Variants in DCC observed in about 807,000 individuals in gnomAD.
DCC encodes DCC netrin 1 receptor.
A neutral mutation model predicts 172.5 loss-of-function variants in DCC; 58 were observed. The observed-to-expected ratio is 0.34, with a 90% CI of 0.27 to 0.42. The LOEUF (loss-of-function observed/expected upper bound fraction) is 0.42, where lower values mean the gene tolerates loss of function less well. Among genes scored for constraint, DCC ranks in the 10% least tolerant of loss-of-function variants. DCC has a pLI of 1.00. For missense variants in DCC, 1,740 were observed against 1,791.0 expected (o/e 0.97, Z 0.51); for synonymous variants, 709 against 644.5 (o/e 1.10, Z -1.52).
chr18:52,670,871 C>G (rs1247145780), intron 1 of DCC, among the ~76,000 whole-genome samples: 1 of 152,002 alleles, frequency 6.6e-6, no homozygotes, highest in African/African-American at 2.4e-5. Context: ...TAAAAGCTAA[C>G]AGGCTGTAGA....
At chr18:53,341,034 C>A (rs1384917746) in intron 15 of DCC, among the ~76,000 whole-genome samples, 1 of 152,168 alleles carries the variant, frequency 6.6e-6, no homozygotes, top group Non-Finnish European at 1.5e-5. Context: ...TGGAAATCTC[C>A]ACAATTTATT....
At chr18:52,964,045 A>G (rs551773048) in intron 5 of DCC, among the ~76,000 whole-genome samples, 9 of 152,296 alleles carry the variant, frequency 5.9e-5, no homozygotes, top group Non-Finnish European at 1.3e-4. Flanking sequence ...TTGTAAATAA[A>G]TAATTCTCTT....
At chr18:53,033,856 G>A (rs2042057609) in intron 5 of DCC, among the ~76,000 whole-genome samples, 1 of 151,884 alleles carries the variant, frequency 6.6e-6, no homozygotes, top group African/African-American at 2.4e-5. Flanking sequence ...ACAAAACTTT[G>A]CTTATTAAGG....
At chr18:53,128,870 C>CACATATAT (rs1300738812) in intron 7 of DCC, among the ~76,000 whole-genome samples, 66 of 77,456 alleles carry the variant, frequency 8.5e-4, no homozygotes, top group African/African-American at 2.6e-3. Flanking sequence ...CACACACACA[C>CACATATAT]ATATATATAT....
intron 5 of DCC, among the ~76,000 whole-genome samples, chr18:53,055,888 A>T (rs928871583): frequency 1.3e-5 from 2 of 152,162 alleles, no homozygotes; most frequent in South Asian, 4.1e-4. Flanking sequence ...TTAGCCAAAT[A>T]CAAGTTACTT....
chr18:53,415,877 G>A (rs1480496051), intron 20 of DCC, among the ~76,000 whole-genome samples: 1 of 151,950 alleles, frequency 6.6e-6, no homozygotes, highest in Non-Finnish European at 1.5e-5. Context: ...TTTATGTTTA[G>A]AGGGATATGA....
chr18:53,190,814 C>T (rs1479440979), intron 9 of DCC, among the ~76,000 whole-genome samples: 1 of 152,046 alleles, frequency 6.6e-6, no homozygotes, highest in Non-Finnish European at 1.5e-5. Context: ...AGCATGGTGG[C>T]GGGCGCCTGT....
intron 1 of DCC, among the ~76,000 whole-genome samples, chr18:52,677,234 T>C (rs1367759454): frequency 6.6e-6 from 1 of 152,212 alleles, no homozygotes; most frequent in East Asian, 1.9e-4. Context: ...ATCCAGGTGG[T>C]ATCATCAGAG....
chr18:53,147,152 C>A (rs2144365959), intron 7 of DCC, among the ~76,000 whole-genome samples: 1 of 152,226 alleles, frequency 6.6e-6, no homozygotes, highest in Non-Finnish European at 1.5e-5. Flanking sequence ...CAATATGCCT[C>A]TTCTATGGTT....
At chr18:52,953,006 A>G (rs961890888) in intron 5 of DCC, among the ~76,000 whole-genome samples, 3 of 139,902 alleles carry the variant, frequency 2.1e-5, no homozygotes, top group Middle Eastern at 3.4e-3. Context: ...GTCTCAAAAA[A>G]AAAAAAAAAA....
intron 5 of DCC, among the ~76,000 whole-genome samples, chr18:52,934,561 G>A (rs369547066): frequency 1.4e-4 from 21 of 152,024 alleles, no homozygotes; most frequent in African/African-American, 3.4e-4. Flanking sequence ...ACTTCCTATC[G>A]AAATGTTTTG....
intron 25 of DCC, among the ~76,000 whole-genome samples, chr18:53,472,907 T>G (rs1232378273): frequency 6.6e-6 from 1 of 152,220 alleles, no homozygotes; most frequent in Non-Finnish European, 1.5e-5. Flanking sequence ...GAATCTAGAT[T>G]TCTGTTACTC....
chr18:52,581,825 C>T (rs2033557511), intron 1 of DCC, among the ~76,000 whole-genome samples: 1 of 152,150 alleles, frequency 6.6e-6, no homozygotes. Flanking sequence ...GGAAGTTGCA[C>T]TAACAACTTT....
At chr18:53,327,672 CA>C (rs2057481744) in intron 14 of DCC, among the ~76,000 whole-genome samples, 1 of 152,036 alleles carries the variant, frequency 6.6e-6, no homozygotes, top group Non-Finnish European at 1.5e-5. Flanking sequence ...CTTATTAACC[CA>C]AACTGGTAAT....
At chr18:53,142,629 A>G (rs1796518619) in intron 7 of DCC, among the ~76,000 whole-genome samples, 2 of 152,198 alleles carry the variant, frequency 1.3e-5, no homozygotes, top group South Asian at 2.1e-4. Context: ...GAATAATTTT[A>G]CATTTACATG....
In DCC at chr18:53,382,092, A is replaced by ATG. The variant is rs1568095391; in HGVS notation, c.2360-3951_2360-3950insTG. On this transcript the variant is annotated intron_variant, in intron 15 of 28. Transcript: ENST00000442544. ...ACAACACACACACACACACACACACACACACACACACACCCCTACCTCCTA... is the reference window on the plus strand; with the variant it reads ...ACAACACACACACACACACACACACATGCACACACACACACCCCTACCTCCTA... 1.9e-3 allele frequency among the ~76,000 whole-genome samples: 105 copies of ATG among 53,908 alleles called. 1 individual carries two copies. Among genetic ancestry groups the ATG allele is most frequent in the South Asian group, 3.9e-3 (8 of 2,040 alleles). The allele number at this position is 53,908 out of a possible 152,430, so 35.4% of individuals were successfully genotyped here.
chr18:52,909,143 G>A (rs2039931885), intron 3 of DCC, among the ~76,000 whole-genome samples: 1 of 152,128 alleles, frequency 6.6e-6, no homozygotes, highest in Non-Finnish European at 1.5e-5. Context: ...TTGCCACTTA[G>A]CGTTCTCTCA....
At chr18:53,117,350 C>T (rs1156378965) in intron 7 of DCC, among the ~76,000 whole-genome samples, 1 of 151,740 alleles carries the variant, frequency 6.6e-6, no homozygotes, top group Non-Finnish European at 1.5e-5. Flanking sequence ...AACTGCTTTT[C>T]TTAAGCTCCT....
chr18:52,897,467 T>C (rs559569677), intron 2 of DCC, among the ~76,000 whole-genome samples: 1 of 152,350 alleles, frequency 6.6e-6, no homozygotes, highest in South Asian at 2.1e-4. Flanking sequence ...TAGAGTCACA[T>C]AGAACCTCAA....
Sources: allele counts gnomAD v4.1 joint callset (sites outside exome capture counted in the v4.1 genomes callset), GRCh38; gene constraint gnomAD v4.1.1; transcripts MANE v1.5; gene names NCBI Gene and HGNC (gene_info 2026-07-23, HGNC 2026-07-21).